The following PXDNL variants were observed in gnomAD, a reference collection of about 807,000 sequenced individuals.
PXDNL encodes the protein probable oxidoreductase PXDNL.
In PXDNL, 145 loss-of-function variants were observed where a neutral mutation model predicts 150.8. That is an observed-to-expected ratio of 0.96 (90% CI 0.84 to 1.10). PXDNL has a LOEUF of 1.10. Among genes scored for constraint, PXDNL ranks in the 50% least tolerant of loss-of-function variants. The pLI is 0.00. For synonymous variants in PXDNL, 757 were observed against 725.7 expected, an observed-to-expected ratio of 1.04 and a Z score of -0.69; for missense variants, 2,087 against 1,873.9, an observed-to-expected ratio of 1.11 and a Z score of -2.10.
At chr8:51,733,581 G>T (rs555729338) in intron 1 of PXDNL, among the ~76,000 whole-genome samples, 1 of 152,212 alleles carries the variant, frequency 6.6e-6, no homozygotes, top group South Asian at 2.1e-4. Flanking sequence ...GCTGAGGTGG[G>T]CAGATCACTT....
rs375567576 is a variant in PXDNL at position 51,583,093 on chromosome 8, G to A, written c.308+9534C>T. Among the ~76,000 whole-genome samples the A allele has an allele frequency of 2.0e-5, 3 of 152,188 alleles. No individual in the cohort carries two copies. The East Asian group carries it at 5.8e-4, about 29-fold the overall frequency. On this transcript the variant is annotated intron_variant, in intron 3 of 22. Transcript: ENST00000356297. ...CAGGGAACCAAAGTAAATTTTGTGA[G>A]TGAATTGAAAAGTACTAAGAACAAG...
chr8:51,444,349 T>G (rs976303990), intron 12 of PXDNL, among the ~76,000 whole-genome samples: 1 of 152,100 alleles, frequency 6.6e-6, no homozygotes, highest in Non-Finnish European at 1.5e-5. Context: ...CTCAAGGGTC[T>G]CTGGATCTCC....
intron 4 of PXDNL, among the ~76,000 whole-genome samples, chr8:51,553,771 T>TATATATATATATATATATATATAC (rs1236843720): frequency 1.1e-3 from 71 of 63,632 alleles, no homozygotes; most frequent in African/African-American, 6.6e-3. Flanking sequence ...TATATATATA[T>TATATATATATATATATATATATAC]ACACACACTG....
intron 12 of PXDNL, among the ~76,000 whole-genome samples, chr8:51,429,080 TG>T (rs1809186280): frequency 1.3e-5 from 2 of 152,128 alleles, no homozygotes; most frequent in South Asian, 4.1e-4. Flanking sequence ...TATGAAAAGG[TG>T]CTAAAGATCA....
At chr8:51,356,936 G>T (rs1037321557) in intron 19 of PXDNL, among the ~76,000 whole-genome samples, 10 of 152,078 alleles carry the variant, frequency 6.6e-5, no homozygotes, top group Admixed American at 5.2e-4. Context: ...TTATGTTTCT[G>T]CTGGCTAAAA....
At chr8:51,472,147 A>G in intron 8 of PXDNL, 40 bp downstream of exon 8, 1 of 1,301,966 alleles carries the variant, frequency 7.7e-7, no homozygotes, top group Non-Finnish European at 1.1e-6. Context: ...TGCTGGAATC[A>G]GAAGGAGAAT....
intron 21 of PXDNL, among the ~76,000 whole-genome samples, chr8:51,323,912 A>C (rs28411163): frequency 1.3e-5 from 2 of 150,040 alleles, no homozygotes; most frequent in African/African-American, 5.0e-5. Context: ...GCAAAACTTC[A>C]TCTCAAAAAA....
At chr8:51,527,472 A>G (rs1811793758) in intron 4 of PXDNL, among the ~76,000 whole-genome samples, 1 of 152,190 alleles carries the variant, frequency 6.6e-6, no homozygotes, top group South Asian at 2.1e-4. Context: ...AGGTTGTGGC[A>G]TTTCATGGTT....
intron 21 of PXDNL, among the ~76,000 whole-genome samples, chr8:51,323,916 CAA>C (rs1172614258): frequency 9.0e-6 from 1 of 110,836 alleles, no homozygotes; most frequent in African/African-American, 4.7e-5. Context: ...AACTTCATCT[CAA>C]AAAAAATAAA....
rs965747799 is a variant in PXDNL at position 51,672,509 on chromosome 8, G to A, written c.165-17749C>T. 2.8e-4 allele frequency among the ~76,000 whole-genome samples: 42 copies of A among 152,188 alleles called. 1 individual carries two copies. Among genetic ancestry groups the A allele is most frequent in the Admixed American group, 7.2e-4 (11 of 15,278 alleles). On this transcript the variant is annotated intron_variant, in intron 1 of 22. Transcript: ENST00000356297. ...CTCAACATGGTATTAATGAAAAGAAGAATAGTAGAGAAGGAAATGTCAAAA... is the reference window on the plus strand; with the variant it reads ...CTCAACATGGTATTAATGAAAAGAAAAATAGTAGAGAAGGAAATGTCAAAA...
chr8:51,783,162 T>C (rs571996069), intron 1 of PXDNL, among the ~76,000 whole-genome samples: 1 of 152,362 alleles, frequency 6.6e-6, no homozygotes, highest in African/African-American at 2.4e-5. Flanking sequence ...TATTCCAGTT[T>C]CTTTTGCTAC....
intron 1 of PXDNL, among the ~76,000 whole-genome samples, chr8:51,746,520 T>G (rs2036986163): frequency 2.0e-5 from 3 of 152,174 alleles, no homozygotes; most frequent in Non-Finnish European, 4.4e-5. Flanking sequence ...GAGGGGAAAC[T>G]GAGCATCCAT....
At chr8:51,366,766 C>A (rs1159177291) in intron 19 of PXDNL, among the ~76,000 whole-genome samples, 1 of 152,028 alleles carries the variant, frequency 6.6e-6, no homozygotes, top group Non-Finnish European at 1.5e-5. Context: ...TACTTTGTTA[C>A]AGAGAGGACC....
At chr8:51,653,593 C>A (rs953558525) in intron 2 of PXDNL, among the ~76,000 whole-genome samples, 1 of 152,114 alleles carries the variant, frequency 6.6e-6, no homozygotes, top group Non-Finnish European at 1.5e-5. Context: ...AGAATAAACC[C>A]TGCAGTCCTT....
At chr8:51,520,460 A>G (rs1003312475) in intron 4 of PXDNL, among the ~76,000 whole-genome samples, 4 of 152,116 alleles carry the variant, frequency 2.6e-5, no homozygotes, top group Non-Finnish European at 4.4e-5. Flanking sequence ...GAAACGCGGG[A>G]GAGCCACACC....
chr8:51,431,482 C>T (rs1362868863), intron 12 of PXDNL, among the ~76,000 whole-genome samples: 1 of 152,158 alleles, frequency 6.6e-6, no homozygotes, highest in Non-Finnish European at 1.5e-5. Flanking sequence ...TTTGTTCAGG[C>T]CCTTAAACAA....
chr8:51,716,487 T>C (rs1422907617), intron 1 of PXDNL, among the ~76,000 whole-genome samples: 1 of 152,234 alleles, frequency 6.6e-6, no homozygotes, highest in African/African-American at 2.4e-5. Context: ...TATGTGTTTT[T>C]GTAAACTACT....
chr8:51,754,210 T>C (rs1037911165), intron 1 of PXDNL, among the ~76,000 whole-genome samples: 2 of 152,180 alleles, frequency 1.3e-5, no homozygotes, highest in African/African-American at 4.8e-5. Flanking sequence ...GATTTTACTA[T>C]AGGAATTTAT....
intron 21 of PXDNL, among the ~76,000 whole-genome samples, chr8:51,334,713 A>G (rs1199681855): frequency 1.3e-5 from 2 of 152,162 alleles, no homozygotes; most frequent in Non-Finnish European, 2.9e-5. Flanking sequence ...AAAGTAGAAA[A>G]CCTACAAGAG....
Sources: gnomAD v4.1 joint callset for allele counts (sites outside exome capture counted in the v4.1 genomes callset) on GRCh38, gnomAD v4.1.1 for gene constraint, MANE v1.5 for transcripts, NCBI Gene and HGNC (gene_info 2026-07-23, HGNC 2026-07-21) for gene names.